The following PDGFC variants were observed in gnomAD, a reference collection of about 807,000 sequenced individuals.
The protein encoded by PDGFC is platelet-derived growth factor C.
PDGFC carries 12 observed loss-of-function variants against 35.5 expected under a neutral mutation model. The ratio of observed to expected loss-of-function variants is 0.34; its 90% CI spans 0.22 to 0.55. The LOEUF (loss-of-function observed/expected upper bound fraction) is 0.55, where lower values mean the gene tolerates loss of function less well. PDGFC is among the 20% of genes least tolerant of loss of function. PDGFC has a pLI of 0.91. For synonymous variants in PDGFC, 159 were observed against 148.8 expected (o/e 1.07, Z -0.50); for missense variants, 322 against 412.4 (o/e 0.78, Z 1.90).
chr4:156,779,188 A>G (rs1560807837), intron 3 of PDGFC: 1 of 456,190 alleles, frequency 2.2e-6, no homozygotes, highest in Non-Finnish European at 4.4e-6. Context: ...TCCTGAAACA[A>G]TTCATTTAAA....
At chr4:156,959,183 T>G (rs541705417) in intron 1 of PDGFC, among the ~76,000 whole-genome samples, 1 of 152,050 alleles carries the variant, frequency 6.6e-6, no homozygotes, top group South Asian at 2.1e-4. Flanking sequence ...TAAATGCAAT[T>G]GCCCAGAATT....
At chr4:156,819,010 T>C (rs1560824879) in intron 2 of PDGFC, among the ~76,000 whole-genome samples, 2 of 152,200 alleles carry the variant, frequency 1.3e-5, no homozygotes, top group African/African-American at 2.4e-5. Flanking sequence ...ACAGCATTCC[T>C]AAGCCAAAGC....
At chr4:156,856,012 C>A (rs1478054574) in intron 1 of PDGFC, among the ~76,000 whole-genome samples, 2 of 151,946 alleles carry the variant, frequency 1.3e-5, no homozygotes, top group African/African-American at 2.4e-5. Context: ...TAGAATTACT[C>A]CATTTACATG....
intron 3 of PDGFC, among the ~76,000 whole-genome samples, chr4:156,785,837 A>C (rs1731109041): frequency 6.6e-6 from 1 of 152,204 alleles, no homozygotes; most frequent in Admixed American, 6.5e-5. Context: ...GATTTAATAA[A>C]GTTCTAGGTC....
At chr4:156,838,635 T>C (rs765531882) in intron 2 of PDGFC, among the ~76,000 whole-genome samples, 4 of 152,230 alleles carry the variant, frequency 2.6e-5, no homozygotes, top group African/African-American at 4.8e-5. Flanking sequence ...AGAGATTTGA[T>C]GGCATCATTT....
At chr4:156,833,361 A>G (rs1480764191) in intron 2 of PDGFC, among the ~76,000 whole-genome samples, 2 of 152,242 alleles carry the variant, frequency 1.3e-5, no homozygotes, top group African/African-American at 4.8e-5. Flanking sequence ...ACTATAGGAA[A>G]GTAAATGTTC....
intron 1 of PDGFC, among the ~76,000 whole-genome samples, chr4:156,895,580 T>C (rs1038824193): frequency 1.3e-5 from 2 of 150,114 alleles, no homozygotes; most frequent in Non-Finnish European, 3.0e-5. Context: ...TGCAGTAAGC[T>C]GAGATCGTGC....
At chr4:156,783,589 T>C (rs962798049) in intron 3 of PDGFC, among the ~76,000 whole-genome samples, 2 of 152,156 alleles carry the variant, frequency 1.3e-5, no homozygotes, top group Admixed American at 1.3e-4. Flanking sequence ...CCTCTCTCTA[T>C]ATATACACGA....
At chr4:156,907,472 T>G (rs1730941250) in intron 1 of PDGFC, among the ~76,000 whole-genome samples, 2 of 152,172 alleles carry the variant, frequency 1.3e-5, no homozygotes, top group Admixed American at 1.3e-4. Flanking sequence ...TCTCTTAAGA[T>G]GAATGAGATA....
intron 4 of PDGFC, among the ~76,000 whole-genome samples, 163 bp from the exon 5 acceptor site, chr4:156,768,153 C>A (rs1417638951): frequency 6.6e-6 from 1 of 151,978 alleles, no homozygotes; most frequent in Non-Finnish European, 1.5e-5. Context: ...TATACAACTA[C>A]AAATTGGACC....
At chr4:156,819,191 A>T (rs1483056058) in intron 2 of PDGFC, among the ~76,000 whole-genome samples, 1 of 152,182 alleles carries the variant, frequency 6.6e-6, no homozygotes, top group Non-Finnish European at 1.5e-5. Context: ...CTGATGGAGA[A>T]GCTGCAGCAG....
At chr4:156,765,217 T>C (rs1038740383) in intron 5 of PDGFC, among the ~76,000 whole-genome samples, 3 of 152,168 alleles carry the variant, frequency 2.0e-5, no homozygotes, top group Non-Finnish European at 4.4e-5. Context: ...GTTTTGACTT[T>C]GGTGGAGAAA....
intron 3 of PDGFC, among the ~76,000 whole-genome samples, chr4:156,800,966 A>G (rs1161100004): frequency 6.6e-6 from 1 of 152,212 alleles, no homozygotes; most frequent in African/African-American, 2.4e-5. Flanking sequence ...GGAGGATGAG[A>G]GAAGCCTGAA....
chr4:156,812,482 A>C lies in PDGFC; in HGVS notation c.315-1465T>G, dbSNP rs543386586. Among the ~76,000 whole-genome samples, 62 of 152,238 alleles carry C rather than the reference A, an allele frequency of 4.1e-4. 1 individual carries two copies. In the South Asian group the frequency reaches 0.013, roughly 31 times the overall value. Reference sequence around the variant, plus strand: ...CAGAATACTAAGCAGGGCATTGCAAAACTTTTGTTAAAACGAAGTCTGACA... The same window carrying C: ...CAGAATACTAAGCAGGGCATTGCAACACTTTTGTTAAAACGAAGTCTGACA... On this transcript the variant is annotated intron_variant, in intron 2 of 5. Coordinates refer to ENST00000502773, the MANE Select transcript of PDGFC (RefSeq NM_016205.3).
At chr4:156,774,017 T>G (rs148025489) in intron 3 of PDGFC, among the ~76,000 whole-genome samples, 9 of 152,298 alleles carry the variant, frequency 5.9e-5, no homozygotes, top group African/African-American at 1.9e-4. Flanking sequence ...TCCTTACCTT[T>G]AATCATTTTT....
intron 1 of PDGFC, among the ~76,000 whole-genome samples, chr4:156,934,853 C>T (rs2110888390): frequency 6.6e-6 from 1 of 152,260 alleles, no homozygotes; most frequent in Non-Finnish European, 1.5e-5. Context: ...CTGTCTTCCA[C>T]CTCTATATTT....
intron 1 of PDGFC, 77 bp downstream of exon 1, chr4:156,970,709 T>C (rs1199873108): frequency 2.3e-6 from 2 of 873,430 alleles, no homozygotes; most frequent in African/African-American, 3.3e-5. Context: ...CTGGTATATA[T>C]CACATACCAA....
rs1384858261 is a variant in PDGFC at position 156,760,612 on chromosome 4, TTA to T, written c.*2476_*2477del. Reference sequence around the variant, plus strand: ...CTCAGAAATTAGGGTCATGTGCTATTTATGTGTGTGTGTGTGTGTGTGTGTGT... The same window carrying T: ...CTCAGAAATTAGGGTCATGTGCTATTTGTGTGTGTGTGTGTGTGTGTGTGT... On this transcript the variant is annotated 3_prime_UTR_variant, in exon 6 of 6. Transcript: ENST00000502773. 1 of 149,532 alleles carries T rather than the reference TTA, an allele frequency of 6.7e-6. No homozygotes were observed. Among genetic ancestry groups the T allele is most frequent in the Non-Finnish European group, 1.5e-5 (1 of 67,908 alleles). 9.3% of individuals were successfully genotyped at this position (149,532 alleles called of 1,614,324 possible). A position where few individuals can be genotyped will look rare whatever the true frequency, so the allele number is the denominator to read the frequency against.
chr4:156,898,959 A>G (rs951478385), intron 1 of PDGFC, among the ~76,000 whole-genome samples: 2 of 152,166 alleles, frequency 1.3e-5, no homozygotes, highest in African/African-American at 4.8e-5. Context: ...GCCCAGCCCC[A>G]TTCTTCTTAA....
Sources: gnomAD v4.1 joint callset for allele counts (sites outside exome capture counted in the v4.1 genomes callset) on GRCh38, gnomAD v4.1.1 for gene constraint, MANE v1.5 for transcripts, NCBI Gene and HGNC (gene_info 2026-07-23, HGNC 2026-07-21) for gene names.